Variants in ZNF385D observed in about 807,000 individuals in gnomAD.
ZNF385D encodes the protein zinc finger protein 385D, also known as zinc finger protein 659.
In ZNF385D, 15 loss-of-function variants were observed where a neutral mutation model predicts 35.8. The observed-to-expected ratio is 0.42, with a 90% confidence interval of 0.28 to 0.64. ZNF385D has a LOEUF of 0.64. Ranked by LOEUF, ZNF385D falls within the 30% of genes least tolerant of loss-of-function variation. The pLI is 0.23. For missense variants in ZNF385D, 474 were observed against 494.6 expected, an observed-to-expected ratio of 0.96 and a Z score of 0.39; for synonymous variants, 212 against 186.8, an observed-to-expected ratio of 1.13 and a Z score of -1.10.
At chr3:21,497,739 C>T (rs796614075) in intron 4 of ZNF385D, among the ~76,000 whole-genome samples, 18 of 152,136 alleles carry the variant, frequency 1.2e-4, no homozygotes, top group African/African-American at 4.1e-4. Flanking sequence ...GTCCCAGCTA[C>T]TCAGGAGGCT....
intron 4 of ZNF385D, among the ~76,000 whole-genome samples, chr3:21,445,784 C>T (rs1702117152): frequency 6.6e-6 from 1 of 152,164 alleles, no homozygotes; most frequent in African/African-American, 2.4e-5. Flanking sequence ...AGTTATATCC[C>T]TGTCAGGTAG....
At chr3:22,147,541 G>A (rs1357491363) in intron 3 of ZNF385D, among the ~76,000 whole-genome samples, 1 of 152,124 alleles carries the variant, frequency 6.6e-6, no homozygotes, top group Admixed American at 6.6e-5. Flanking sequence ...AAACCCACCT[G>A]AGAAAAGGGG....
intron 3 of ZNF385D, among the ~76,000 whole-genome samples, chr3:21,796,564 A>T (rs1480075765): frequency 1.3e-5 from 2 of 151,862 alleles, no homozygotes; most frequent in Admixed American, 1.3e-4. Flanking sequence ...TTTTTTTTTA[A>T]AAAGGAATCT....
At chr3:21,513,497 C>G (rs1019144121) in intron 3 of ZNF385D, among the ~76,000 whole-genome samples, 5 of 152,152 alleles carry the variant, frequency 3.3e-5, no homozygotes, top group African/African-American at 1.2e-4. Flanking sequence ...TATAAATTAT[C>G]TGATTTAAAG....
In ZNF385D at chr3:21,980,768, C is replaced by G. The variant is rs373984990; in HGVS notation, c.325+188049G>C. ...TGTCTGTTGTTTCCTTCTTTGTGTTCATAAGTTCTTATCATTTGGCTCCCA... is the reference window on the plus strand; with the variant it reads ...TGTCTGTTGTTTCCTTCTTTGTGTTGATAAGTTCTTATCATTTGGCTCCCA... On this transcript the variant is annotated intron_variant, in intron 3 of 5. Transcript: ENST00000494108. Among the ~76,000 whole-genome samples, 31 of 152,204 alleles carry G rather than the reference C, an allele frequency of 2.0e-4. No individual in the cohort carries two copies. The South Asian group carries it at 6.4e-3, about 32-fold the overall frequency.
chr3:22,140,917 G>A (rs1298027056), intron 3 of ZNF385D, among the ~76,000 whole-genome samples: 1 of 152,102 alleles, frequency 6.6e-6, no homozygotes, highest in African/African-American at 2.4e-5. Flanking sequence ...AGTCATCCAG[G>A]TTTTGGGGTT....
chr3:21,768,825 A>G (rs1003137311), intron 3 of ZNF385D, among the ~76,000 whole-genome samples: 38 of 152,050 alleles, frequency 2.5e-4, no homozygotes, highest in African/African-American at 6.5e-4. Context: ...CCCAGTTGAA[A>G]TAACAAATCA....
chr3:22,167,770 A>G (rs1410219262), intron 3 of ZNF385D, among the ~76,000 whole-genome samples: 1 of 152,188 alleles, frequency 6.6e-6, no homozygotes, highest in Non-Finnish European at 1.5e-5. Flanking sequence ...ATAGTTCTCA[A>G]TTACTTTCTG....
intron 3 of ZNF385D, among the ~76,000 whole-genome samples, chr3:21,544,917 C>T (rs1282940487): frequency 6.6e-6 from 1 of 152,122 alleles, no homozygotes; most frequent in East Asian, 1.9e-4. Flanking sequence ...CTGAAGTGTC[C>T]AGAAAAGAGA....
chr3:22,273,557 A>T (rs989450255), intron 2 of ZNF385D, among the ~76,000 whole-genome samples: 1 of 151,980 alleles, frequency 6.6e-6, no homozygotes, highest in Non-Finnish European at 1.5e-5. Flanking sequence ...AAATGCCAAC[A>T]GTACTGAAGT....
At chr3:21,787,981 A>G (rs577822028) in intron 3 of ZNF385D, among the ~76,000 whole-genome samples, 13,041 of 104,750 alleles carry the variant, frequency 0.12, 790 homozygotes, top group Non-Finnish European at 0.14. Context: ...AAAAAAAAAA[A>G]AGAGAGAGAG....
At chr3:22,323,143 G>C (rs1329375776) in intron 2 of ZNF385D, among the ~76,000 whole-genome samples, 1 of 152,074 alleles carries the variant, frequency 6.6e-6, no homozygotes, top group African/African-American at 2.4e-5. Flanking sequence ...TACCTGTATG[G>C]CCTCTTGGTG....
chr3:21,781,247 GA>G (rs1282775233), intron 3 of ZNF385D, among the ~76,000 whole-genome samples: 2 of 151,922 alleles, frequency 1.3e-5, no homozygotes, highest in African/African-American at 4.8e-5. Flanking sequence ...GGAGCTTTAG[GA>G]AAGAAAAAAT....
intron 4 of ZNF385D, among the ~76,000 whole-genome samples, chr3:21,481,195 C>T (rs1380496518): frequency 6.6e-6 from 1 of 152,122 alleles, no homozygotes. Context: ...TCTCACAGGG[C>T]ATTTGATCAG....
At chr3:22,007,862 T>C (rs1696316996) in intron 3 of ZNF385D, among the ~76,000 whole-genome samples, 1 of 151,514 alleles carries the variant, frequency 6.6e-6, no homozygotes, top group African/African-American at 2.4e-5. Context: ...TTTTTGTTAA[T>C]ACAAAAGCTT....
chr3:21,921,294 C>T (rs1700449757), intron 3 of ZNF385D, among the ~76,000 whole-genome samples: 1 of 151,418 alleles, frequency 6.6e-6, no homozygotes. Flanking sequence ...ACACTCCTCA[C>T]TCCCCCAAAT....
intron 3 of ZNF385D, among the ~76,000 whole-genome samples, chr3:22,086,003 CA>C (rs879995538): frequency 2.6e-5 from 4 of 152,206 alleles, no homozygotes; most frequent in Non-Finnish European, 4.4e-5. Flanking sequence ...AATTCAACAA[CA>C]CTTCATGCTA....
At chr3:21,429,458 T>C (rs1701190370) in intron 5 of ZNF385D, among the ~76,000 whole-genome samples, 1 of 152,116 alleles carries the variant, frequency 6.6e-6, no homozygotes, top group South Asian at 2.1e-4. Flanking sequence ...TATCTAATAT[T>C]AGACATTTGT....
chr3:22,316,539 T>G (rs1239475310), intron 2 of ZNF385D, among the ~76,000 whole-genome samples: 2 of 152,158 alleles, frequency 1.3e-5, no homozygotes, highest in Non-Finnish European at 2.9e-5. Context: ...AGTGTGACAA[T>G]ACAGGAGCTA....
Sources: allele counts gnomAD v4.1 joint callset (sites outside exome capture counted in the v4.1 genomes callset), GRCh38; gene constraint gnomAD v4.1.1; transcripts MANE v1.5; gene names NCBI Gene and HGNC (gene_info 2026-07-23, HGNC 2026-07-21).